Variants in MKLN1 observed in about 807,000 individuals in gnomAD.
MKLN1 encodes muskelin.
In MKLN1, 18 loss-of-function variants were observed where a neutral mutation model predicts 99.0. That is an observed-to-expected ratio of 0.18 (90% confidence interval 0.13 to 0.27). The LOEUF is 0.27. Among genes scored for constraint, MKLN1 ranks in the 10% least tolerant of loss-of-function variants. The pLI, the probability that MKLN1 is intolerant of heterozygous loss-of-function variation, is 1.00. For synonymous variants in MKLN1, 288 were observed against 293.2 expected, an observed-to-expected ratio of 0.98 and a Z score of 0.18; for missense variants, 621 against 875.9, an observed-to-expected ratio of 0.71 and a Z score of 3.67.
chr7:131,342,594 A>G (rs1187650698), intron 1 of MKLN1, among the ~76,000 whole-genome samples: 3 of 152,256 alleles, frequency 2.0e-5, no homozygotes, highest in Admixed American at 6.5e-5. Flanking sequence ...TTTTAAAAAC[A>G]AATTAATCTT....
chr7:131,247,235 C>CATTTTTTTT (rs1797503534), intron 3 of MKLN1, among the ~76,000 whole-genome samples: 1 of 141,148 alleles, frequency 7.1e-6, no homozygotes. Flanking sequence ...TTTCTTTTTT[C>CATTTTTTTT]TTTTTTTTTT....
intron 3 of MKLN1, among the ~76,000 whole-genome samples, chr7:131,293,128 C>T (rs1332910494): frequency 6.6e-6 from 1 of 152,204 alleles, no homozygotes; most frequent in African/African-American, 2.4e-5. Flanking sequence ...GGCTTCTACA[C>T]TCTTTCAGAC....
chr7:131,181,979 C>A (rs1421453740), intron 2 of MKLN1, among the ~76,000 whole-genome samples: 1 of 151,986 alleles, frequency 6.6e-6, no homozygotes, highest in African/African-American at 2.4e-5. Context: ...ATTAAAAATA[C>A]AAAAATTAAC....
At chr7:131,238,031 C>T (rs958789628) in intron 3 of MKLN1, among the ~76,000 whole-genome samples, 7 of 152,078 alleles carry the variant, frequency 4.6e-5, no homozygotes, top group African/African-American at 1.7e-4. Flanking sequence ...CCTATAATTC[C>T]AGCTACTTGG....
At position 131,162,120 on chromosome 7, in the gene MKLN1, G is replaced by A. The variant is rs145986206; in HGVS notation, c.-297+19179G>A. On this transcript the variant is annotated intron_variant, in intron 2 of 7. Transcript: ENST00000416992. ...ACGATCTAGGCTCACTGCAACCTCC[G>A]CCTCCTGAGTTCAAGCGATCCTCCT... Among the ~76,000 whole-genome samples the A allele has an allele frequency of 6.8e-3, 1,031 of 151,084 alleles. 14 individuals carry two copies. The highest frequency in any genetic ancestry group is 0.024 in the African/African-American group (968 of 41,180).
chr7:131,246,643 CT>C (rs11307215), intron 3 of MKLN1, among the ~76,000 whole-genome samples: 29,219 of 144,882 alleles, frequency 0.2, 2,963 homozygotes, highest in East Asian at 0.46. Flanking sequence ...TGATTTTAGT[CT>C]TTTTTTTTTT....
chr7:131,361,404 A>G (rs1041192921), intron 1 of MKLN1, among the ~76,000 whole-genome samples: 1 of 151,698 alleles, frequency 6.6e-6, no homozygotes, highest in Non-Finnish European at 1.5e-5. Flanking sequence ...TACATTACCC[A>G]TCTATCTTGC....
At chr7:131,123,901 A>G (rs1795415410) in intron 1 of MKLN1, among the ~76,000 whole-genome samples, 1 of 152,230 alleles carries the variant, frequency 6.6e-6, no homozygotes, top group Non-Finnish European at 1.5e-5. Context: ...CAGACAAAAG[A>G]TCTAGTGACT....
At chr7:131,277,000 A>T (rs1462929827) in intron 3 of MKLN1, among the ~76,000 whole-genome samples, 1 of 152,136 alleles carries the variant, frequency 6.6e-6, no homozygotes, top group Non-Finnish European at 1.5e-5. Context: ...CATGACATGG[A>T]TCTTTTAAGT....
chr7:131,376,662 A>G (rs953648375), intron 2 of MKLN1, among the ~76,000 whole-genome samples: 5 of 150,110 alleles, frequency 3.3e-5, no homozygotes, highest in Admixed American at 6.6e-5. Context: ...AAAAGAATAT[A>G]TATTTATAAT....
At chr7:131,342,045 A>G (rs1004354243) in intron 1 of MKLN1, among the ~76,000 whole-genome samples, 3 of 152,134 alleles carry the variant, frequency 2.0e-5, no homozygotes, top group Admixed American at 6.5e-5. Context: ...CATTCATACA[A>G]GTTTTTTGTG....
At chr7:131,140,817 T>C (rs1010286424) in intron 1 of MKLN1, among the ~76,000 whole-genome samples, 2 of 152,050 alleles carry the variant, frequency 1.3e-5, no homozygotes, top group African/African-American at 2.4e-5. Flanking sequence ...TCTCGCTTTG[T>C]CGCCCAGGCT....
chr7:131,385,773 C>G (rs1386066200), intron 2 of MKLN1, among the ~76,000 whole-genome samples: 2 of 152,070 alleles, frequency 1.3e-5, no homozygotes, highest in Non-Finnish European at 2.9e-5. Context: ...AGATACCAGA[C>G]TCTTATCAGA....
intron 12 of MKLN1, among the ~76,000 whole-genome samples, chr7:131,453,776 A>G (rs1796253443): frequency 6.6e-6 from 1 of 152,180 alleles, no homozygotes; most frequent in African/African-American, 2.4e-5. Flanking sequence ...AAAATATCAA[A>G]TAATGACAAA....
In MKLN1 at chr7:131,463,272, A is replaced by C; in HGVS notation, c.1581A>C (p.Ile527=). ...CTATTGATCCAGAACTGAATGAAATACACGTCTTATCTGGACTCAGCAAAG... is the reference window on the plus strand; with the variant it reads ...CTATTGATCCAGAACTGAATGAAATCCACGTCTTATCTGGACTCAGCAAAG... ...RATIDPELNE[I]HVLSGLSKDK... The change falls in exon 13 of 18, where the codon ATA becomes ATC. Residue 527 remains isoleucine, a synonymous_variant. Transcript: ENST00000352689. The C allele has an allele frequency of 1.2e-6, 2 of 1,611,984 alleles. No individual in the cohort carries two copies. Among genetic ancestry groups the C allele is most frequent in the Non-Finnish European group, 1.7e-6 (2 of 1,178,630 alleles).
intron 3 of MKLN1, among the ~76,000 whole-genome samples, chr7:131,213,872 T>G (rs1480107471): frequency 1.3e-5 from 2 of 152,220 alleles, no homozygotes; most frequent in Non-Finnish European, 2.9e-5. Flanking sequence ...GTTTTATGCC[T>G]AGCAAAATAT....
intron 3 of MKLN1, among the ~76,000 whole-genome samples, chr7:131,268,834 G>A (rs889570721): frequency 6.6e-6 from 1 of 152,126 alleles, no homozygotes; most frequent in Non-Finnish European, 1.5e-5. Context: ...TCAAAGATGT[G>A]GAAAATAAAT....
At position 131,302,044 on chromosome 7, in the gene MKLN1, G is replaced by A. The variant is rs538591725; in HGVS notation, c.-178-73380G>A. 1.6e-4 allele frequency among the ~76,000 whole-genome samples: 25 copies of A among 152,362 alleles called. 1 individual carries two copies. Among genetic ancestry groups the A allele is most frequent in the African/African-American group, 5.3e-4 (22 of 41,590 alleles). ...GCCACAGGGGCCAATACCTGTAGGA[G>A]GATGGGATTCTTTCTAGATGATTGT... On this transcript the variant is annotated intron_variant, in intron 3 of 7. Coordinates refer to the MKLN1 transcript ENST00000416992.
intron 1 of MKLN1, among the ~76,000 whole-genome samples, chr7:131,135,126 T>C (rs899671189): frequency 1.2e-4 from 18 of 152,194 alleles, no homozygotes; most frequent in African/African-American, 1.7e-4. Flanking sequence ...CTGTTTCTTG[T>C]TTTTTGTTTG....
Sources: allele counts gnomAD v4.1 joint callset (sites outside exome capture counted in the v4.1 genomes callset), GRCh38; gene constraint gnomAD v4.1.1; transcripts MANE v1.5; gene names NCBI Gene and HGNC (gene_info 2026-07-23, HGNC 2026-07-21).